The following RPH3AL variants were observed in gnomAD, a reference collection of about 807,000 sequenced individuals.
RPH3AL encodes the protein rabphilin 3A like (without C2 domains).
Under a neutral mutation model 43.1 loss-of-function variants are expected in RPH3AL, and 38 were observed. The ratio of observed to expected loss-of-function variants is 0.88; its 90% CI spans 0.68 to 1.15. The LOEUF is 1.15. Ranked by LOEUF, RPH3AL falls within the 50% of genes most tolerant of loss-of-function variation. The pLI is 0.00. For synonymous variants in RPH3AL, 189 were observed against 176.3 expected (o/e 1.07, Z -0.57); for missense variants, 462 against 423.2 (o/e 1.09, Z -0.81).
chr17:315,002 T>C lies in RPH3AL; in HGVS notation c.351+4418A>G, dbSNP rs375735726. Among the ~76,000 whole-genome samples, 146 of 17,920 alleles carry C rather than the reference T, an allele frequency of 8.1e-3. 4 individuals carry two copies. The highest frequency in any genetic ancestry group is 0.014 in the African/African-American group (103 of 7,580). 11.8% of individuals were successfully genotyped at this position (17,920 alleles called of 152,430 possible). A position where few individuals can be genotyped will look rare whatever the true frequency, so the allele number is the denominator to read the frequency against. ...CCTGTGCCCCACCTCCATTGACCTG[T>C]AGTCTCTGTGCTCCACCTCCATTGA... On this transcript the variant is annotated intron_variant, in intron 5 of 9. Transcript: ENST00000331302.
intron 7 of RPH3AL, among the ~76,000 whole-genome samples, chr17:226,563 T>C (rs1406001618): frequency 4.6e-5 from 7 of 152,152 alleles, no homozygotes; most frequent in Non-Finnish European, 1.0e-4. Flanking sequence ...AGCCTTGGCA[T>C]TTACTGGCAG....
intron 5 of RPH3AL, among the ~76,000 whole-genome samples, chr17:293,023 T>G (rs2043082504): frequency 1.3e-5 from 2 of 152,328 alleles, no homozygotes; most frequent in South Asian, 4.1e-4. Context: ...TCCTGGCTGC[T>G]GGCGGCTCCC....
intron 6 of RPH3AL, 91 bp downstream of exon 6, chr17:281,671 CAGCCCT>C: frequency 1.7e-6 from 1 of 597,436 alleles, no homozygotes; most frequent in Non-Finnish European, 3.1e-6. Context: ...CCAGCCCGCC[CAGCCCT>C]CCCCACCGTC....
chr17:299,574 C>T (rs1246196939), intron 5 of RPH3AL, among the ~76,000 whole-genome samples: 2 of 152,234 alleles, frequency 1.3e-5, no homozygotes, highest in African/African-American at 4.8e-5. Flanking sequence ...AAGTCCATCC[C>T]CAGTTAAGGT....
chr17:240,097 C>T (rs1261090918), intron 7 of RPH3AL, among the ~76,000 whole-genome samples: 1 of 151,548 alleles, frequency 6.6e-6, no homozygotes, highest in East Asian at 1.9e-4. Context: ...ATTAGCGGGG[C>T]GTGGTGGTGC....
At chr17:310,809 T>C (rs928603336) in intron 5 of RPH3AL, among the ~76,000 whole-genome samples, 1 of 152,138 alleles carries the variant, frequency 6.6e-6, no homozygotes, top group Admixed American at 6.5e-5. Flanking sequence ...TCGTCTCTCC[T>C]CCCAGACACG....
chr17:244,950 ATG>A (rs1306494886), intron 7 of RPH3AL, among the ~76,000 whole-genome samples: 1 of 151,964 alleles, frequency 6.6e-6, no homozygotes, highest in Admixed American at 6.6e-5. Context: ...GTGTACATGC[ATG>A]TGTGTGTGAG....
intron 7 of RPH3AL, among the ~76,000 whole-genome samples, chr17:244,826 T>G (rs1161751737): frequency 6.6e-6 from 1 of 152,176 alleles, no homozygotes; most frequent in African/African-American, 2.4e-5. Flanking sequence ...GGTGTGCGCA[T>G]GTGCATGGGA....
At chr17:237,024 C>T (rs567422635) in intron 7 of RPH3AL, among the ~76,000 whole-genome samples, 1 of 152,232 alleles carries the variant, frequency 6.6e-6, no homozygotes, top group South Asian at 2.1e-4. Flanking sequence ...GCTGGGTTAG[C>T]GGCCATGAGT....
rs2041769125 is a variant in RPH3AL, at chr17:246,513, C to G, written c.613+598G>C. On this transcript the variant is annotated intron_variant, in intron 7 of 9. Transcript: ENST00000331302. The surrounding 1 kb of genome is among the most constrained non-coding windows in gnomAD (Gnocchi z 4.8). ...TCCGAGCCTGTTGTGAGACCAGGAA[C>G]TTTGAAATAAAACCACAAACATCAA... Among the ~76,000 whole-genome samples, 1 of 152,184 alleles carries G rather than the reference C, an allele frequency of 6.6e-6. No individual in the cohort carries two copies. The highest frequency in any genetic ancestry group is 2.4e-5 in the African/African-American group (1 of 41,436).
At chr17:341,866 A>G (rs2045128701) in intron 1 of RPH3AL, among the ~76,000 whole-genome samples, 2 of 152,208 alleles carry the variant, frequency 1.3e-5, no homozygotes, top group Non-Finnish European at 2.9e-5. Flanking sequence ...CGTAATTTGT[A>G]AATCTGTCAT....
At position 247,003 on chromosome 17, in the gene RPH3AL, C is replaced by G. The variant is rs553406557; in HGVS notation, c.613+108G>C. The G allele has an allele frequency of 9.4e-5, 114 of 1,206,602 alleles. 1 individual carries two copies. The South Asian group carries it at 1.4e-3, about 15-fold the overall frequency. The allele number at this position is 1,206,602 out of a possible 1,614,324, so 74.7% of individuals were successfully genotyped here. ...GGAGGGACGCATCACCAGAATGAGC[C>G]TCGTGGATGGAGGGTGCGGGGGACT... On this transcript the variant is annotated intron_variant, in intron 7 of 9. Coordinates refer to ENST00000331302, the MANE Select transcript of RPH3AL (RefSeq NM_006987.4).
rs1423604818 is a variant in RPH3AL at position 333,198 on chromosome 17, A to AG, written c.-37+560_-37+561insC. On this transcript the variant is annotated intron_variant, in intron 2 of 9. Transcript: ENST00000331302. The surrounding 1 kb of genome is among the most constrained non-coding windows in gnomAD (Gnocchi z 4.5). ...TGCAGACATCACTGCAGACACAGAG[A>AG]AGGCCATTAGAGCTCACCACCCCGG... 1.6e-6 allele frequency: 1 copy of AG among 618,466 alleles called. No individual in the cohort carries two copies. The highest frequency in any genetic ancestry group is 1.8e-5 in the African/African-American group (1 of 55,850). 38.3% of individuals were successfully genotyped at this position (618,466 alleles called of 1,614,324 possible).
At chr17:315,651 GTGCTCC>G (rs2044025728) in intron 5 of RPH3AL, among the ~76,000 whole-genome samples, 1 of 148,726 alleles carries the variant, frequency 6.7e-6, no homozygotes, top group Non-Finnish European at 1.5e-5. Context: ...TGTAGTCCCT[GTGCTCC>G]ACCTCCACTG....
intron 5 of RPH3AL, among the ~76,000 whole-genome samples, chr17:300,201 T>C (rs1355578023): frequency 1.5e-4 from 12 of 79,014 alleles, no homozygotes; most frequent in African/African-American, 5.9e-4. Context: ...AGCCTAGGCC[T>C]GCAGAATCTC....
intron 6 of RPH3AL, among the ~76,000 whole-genome samples, chr17:259,057 G>A (rs1432740225): frequency 1.3e-5 from 2 of 152,172 alleles, no homozygotes; most frequent in Non-Finnish European, 2.9e-5. Context: ...CTGTGGGCAG[G>A]ACCATGAGCA....
intron 7 of RPH3AL, among the ~76,000 whole-genome samples, chr17:223,895 C>T (rs1297298733): frequency 1.3e-5 from 2 of 151,286 alleles, no homozygotes; most frequent in African/African-American, 4.9e-5. Flanking sequence ...ACACAGTGGG[C>T]GTGCCCCCAA....
chr17:304,871 G>A (rs1251846327), intron 5 of RPH3AL, among the ~76,000 whole-genome samples: 1 of 145,978 alleles, frequency 6.9e-6, no homozygotes, highest in Admixed American at 6.9e-5. Context: ...AGAAATAGGG[G>A]CCAGCCCCCG....
At chr17:276,484 C>G (rs548817267) in intron 6 of RPH3AL, among the ~76,000 whole-genome samples, 3 of 152,336 alleles carry the variant, frequency 2.0e-5, no homozygotes, top group South Asian at 2.1e-4. Flanking sequence ...CTCCACCCCC[C>G]GGGCAGAAGT....
Sources: allele counts gnomAD v4.1 joint callset (sites outside exome capture counted in the v4.1 genomes callset), GRCh38; gene constraint gnomAD v4.1.1; non-coding constraint Gnocchi (gnomAD v3.1); transcripts MANE v1.5; gene names NCBI Gene and HGNC (gene_info 2026-07-23, HGNC 2026-07-21).